PRELP: variants seen among roughly 807,000 people sequenced by gnomAD.
The protein encoded by PRELP is prolargin.
In PRELP, 16 loss-of-function variants were observed where a neutral mutation model predicts 22.8. The ratio of observed to expected loss-of-function variants is 0.70; its 90% confidence interval spans 0.47 to 1.06. The LOEUF (loss-of-function observed/expected upper bound fraction) is 1.06, where lower values mean the gene tolerates loss of function less well. PRELP is among the 50% of genes least tolerant of loss of function. The pLI, the probability that PRELP is intolerant of heterozygous loss-of-function variation, is 0.00. For synonymous variants in PRELP, 233 were observed against 211.4 expected, an observed-to-expected ratio of 1.10 and a Z score of -0.89; for missense variants, 434 against 485.2, an observed-to-expected ratio of 0.89 and a Z score of 0.99.
chr1:203,487,461 G>A lies in PRELP; in HGVS notation c.*580G>A, dbSNP rs560483107. On this transcript the variant is annotated 3_prime_UTR_variant, in exon 3 of 3. Coordinates refer to ENST00000343110, the MANE Select transcript of PRELP (RefSeq NM_002725.4). ...GAAGGAGGAGCGAGGGAATGACGGAGGTAGGGTGCAGGGTCAGGGCTCCCG... is the reference window on the plus strand; with the variant it reads ...GAAGGAGGAGCGAGGGAATGACGGAAGTAGGGTGCAGGGTCAGGGCTCCCG... The A allele has an allele frequency of 6.5e-6, 1 of 153,316 alleles. No homozygotes were observed. The highest frequency in any genetic ancestry group is 6.5e-5 in the Admixed American group (1 of 15,320). 9.5% of individuals were successfully genotyped at this position (153,316 alleles called of 1,614,324 possible). A position where few individuals can be genotyped will look rare whatever the true frequency, so the allele number is the denominator to read the frequency against.
rs748220435 is a variant in PRELP, at chr1:203,486,881, G to C, written c.1149G>C (p.Ter383TyrextTer13). The C allele has an allele frequency of 6.2e-7, 1 of 1,611,900 alleles. No individual in the cohort carries two copies. The highest frequency in any genetic ancestry group is 8.5e-7 in the Non-Finnish European group (1 of 1,178,532). ...GCCTCCTGCAGTCCGTGGTCATCTA[G>C]GCCCTACTCCGCCACCGGATCTGCT... is the stretch of plus-strand genomic sequence containing the variant. ...CFRLLQSVVI[*>Y] Residue 383 changes from the stop codon to tyrosine, a stop_lost, in exon 3 of 3, where the codon TAG becomes TAC. Coordinates refer to ENST00000343110, the MANE Select transcript of PRELP (RefSeq NM_002725.4).
In PRELP at chr1:203,483,268, C is replaced by G. The variant is rs562945346; in HGVS notation, c.84C>G (p.Pro28=). 3.1e-6 allele frequency: 5 copies of G among 1,608,538 alleles called. No homozygotes were observed. The highest frequency in any genetic ancestry group is 4.2e-6 in the Non-Finnish European group (5 of 1,178,320). The change falls in exon 2 of 3, where the codon CCC becomes CCG. Residue 28 remains proline (P), a synonymous_variant. Coordinates refer to ENST00000343110, the MANE Select transcript of PRELP (RefSeq NM_002725.4). The surrounding 1 kb of genome is among the most constrained non-coding windows in gnomAD (Gnocchi z 4.4). ...AQGQPTRRPR[P]GTGPGRRPRP... is the part of the protein sequence containing the mutation. The stretch of plus-strand genomic sequence containing the variant: ...GCCAGCCAACAAGACGACCAAGACC[C>G]GGGACTGGGCCCGGGCGCAGACCCA...
chr1:203,486,488 A>G (rs997280110), intron 2 of PRELP, among the ~76,000 whole-genome samples: 17 of 152,214 alleles, frequency 1.1e-4, no homozygotes, highest in African/African-American at 4.1e-4. Context: ...TTAACTTGCA[A>G]TAACAGTTGT....
In PRELP at chr1:203,486,953, C is replaced by A; in HGVS notation, c.*72C>A. On this transcript the variant is annotated 3_prime_UTR_variant, in exon 3 of 3. Transcript: ENST00000343110. Reference sequence around the variant, plus strand: ...GGCCCAGGCACCTGTGCCGGCCATTCGTTTTCTCTCTCTCCCTTTCTTTCT... The same window carrying A: ...GGCCCAGGCACCTGTGCCGGCCATTAGTTTTCTCTCTCTCCCTTTCTTTCT... The A allele has an allele frequency of 7.0e-7, 1 of 1,422,366 alleles. No homozygotes were observed. The highest frequency in any genetic ancestry group is 1.4e-5 in the South Asian group (1 of 71,338). 88.1% of individuals were successfully genotyped at this position (1,422,366 alleles called of 1,614,324 possible).
intron 1 of PRELP, among the ~76,000 whole-genome samples, chr1:203,478,663 G>C (rs116015170): frequency 6.6e-6 from 1 of 152,052 alleles, no homozygotes; most frequent in Non-Finnish European, 1.5e-5. Flanking sequence ...AACAGGGTTC[G>C]CATCACTAGG....
rs1023072286 is a variant in PRELP, at chr1:203,486,900, A to C, written c.*19A>C. The stretch of plus-strand genomic sequence containing the variant: ...CATCTAGGCCCTACTCCGCCACCGG[A>C]TCTGCTCTGACCGCACTTGAAGGCT... On this transcript the variant is annotated 3_prime_UTR_variant, in exon 3 of 3. Coordinates refer to ENST00000343110, the MANE Select transcript of PRELP (RefSeq NM_002725.4). 1 of 1,604,636 alleles carries C rather than the reference A, an allele frequency of 6.2e-7. No individual in the cohort carries two copies. Among genetic ancestry groups the C allele is most frequent in the Non-Finnish European group, 8.5e-7 (1 of 1,174,110 alleles).
Position 203,483,827 on chromosome 1 carries a change from G to A in PRELP, c.643G>A (p.Asp215Asn), listed in dbSNP as rs796745900. The A allele has an allele frequency of 5.6e-6, 9 of 1,613,992 alleles. No homozygotes were observed. The East Asian group carries it at 6.7e-5, about 12-fold the overall frequency. ...GCTGAGCGACGGCGTCTTCAAGCCC[G>A]ACACCTTCCATGGCCTCAAGAACCT... is the stretch of plus-strand genomic sequence containing the variant. ...NRLSDGVFKPDTFHGLKNLMQ... is the reference protein window; with the variant it reads ...NRLSDGVFKPNTFHGLKNLMQ... The change falls in exon 2 of 3, where the codon GAC becomes AAC. Residue 215 changes from aspartate to asparagine, a missense_variant. Asp to Asn is a conservative substitution (Grantham distance 23). Transcript: ENST00000343110. The surrounding 1 kb of genome is among the most constrained non-coding windows in gnomAD (Gnocchi z 4.4).
intron 1 of PRELP, among the ~76,000 whole-genome samples, chr1:203,482,591 CTTTTTTT>C (rs58787817): frequency 7.2e-4 from 37 of 51,078 alleles, no homozygotes; most frequent in African/African-American, 2.7e-3. Context: ...CCCAATGTGC[CTTTTTTT>C]TTTTTTTTTT....
intron 1 of PRELP, among the ~76,000 whole-genome samples, chr1:203,476,565 G>A (rs922926050): frequency 5.9e-5 from 9 of 152,228 alleles, no homozygotes; most frequent in Non-Finnish European, 2.9e-5. Flanking sequence ...TGAGATGGCA[G>A]AGCCAGAAGA....
intron 1 of PRELP, among the ~76,000 whole-genome samples, chr1:203,478,995 G>A (rs981593121): frequency 6.6e-6 from 1 of 152,160 alleles, no homozygotes; most frequent in Non-Finnish European, 1.5e-5. Context: ...CACCTAGGTT[G>A]AGAACAGAAA....
chr1:203,490,151 G>A lies in PRELP; in HGVS notation c.*3270G>A, dbSNP rs1166255248. ...TCTTTTCTTATTATTTTTAAATAGA[G>A]GCAGGGTCTCATTATGTTGCCCAGG... On this transcript the variant is annotated 3_prime_UTR_variant, in exon 3 of 3. Coordinates refer to ENST00000343110, the MANE Select transcript of PRELP (RefSeq NM_002725.4). The A allele has an allele frequency of 1.3e-5, 2 of 151,376 alleles. No homozygotes were observed. Among genetic ancestry groups the A allele is most frequent in the East Asian group, 3.9e-4 (2 of 5,148 alleles). The allele number at this position is 151,376 out of a possible 1,614,324, so 9.4% of individuals were successfully genotyped here.
At chr1:203,486,618 T>C (rs967287120) in intron 2 of PRELP, 88 bp from the exon 3 acceptor site, 229 of 1,321,192 alleles carry the variant, frequency 1.7e-4, no homozygotes, top group Non-Finnish European at 2.3e-4. Context: ...TCTACAGTCC[T>C]TGCTCTCGGG....
rs556595431 is a variant in PRELP, at chr1:203,489,958, AAAAAATAAAAAT to A, written c.*3093_*3104del. The stretch of plus-strand genomic sequence containing the variant: ...GGAGACAAAACGAGACTTCATTTAA[AAAAAATAAAAAT>A]AAAAATAAAAATAAAGTCATCTTGC... On this transcript the variant is annotated 3_prime_UTR_variant, in exon 3 of 3. Transcript: ENST00000343110. 3 of 152,158 alleles carry A rather than the reference AAAAAATAAAAAT, an allele frequency of 2.0e-5. No homozygotes were observed. The highest frequency in any genetic ancestry group is 4.4e-5 in the Non-Finnish European group (3 of 68,042). The allele number at this position is 152,158 out of a possible 1,614,324, so 9.4% of individuals were successfully genotyped here.
intron 2 of PRELP, 107 bp downstream of exon 2, chr1:203,484,264 C>T (rs1661059533): frequency 2.1e-6 from 3 of 1,457,982 alleles, no homozygotes; most frequent in African/African-American, 2.8e-5. Flanking sequence ...AAAGCATCCA[C>T]TTTGGCACTG....
chr1:203,479,051 C>T (rs569678376), intron 1 of PRELP, among the ~76,000 whole-genome samples: 3 of 152,280 alleles, frequency 2.0e-5, no homozygotes, highest in Admixed American at 1.3e-4. Flanking sequence ...ACCGGCACAG[C>T]GCTAGGTCAG....
In PRELP at chr1:203,491,227, C is replaced by T. The variant is rs1284696867; in HGVS notation, c.*4346C>T. 6.6e-6 allele frequency: 1 copy of T among 152,166 alleles called. No individual in the cohort carries two copies. The highest frequency in any genetic ancestry group is 1.9e-4 in the East Asian group (1 of 5,200). The allele number at this position is 152,166 out of a possible 1,614,324, so 9.4% of individuals were successfully genotyped here. A position where few individuals can be genotyped will look rare whatever the true frequency, so the allele number is the denominator to read the frequency against. ...GCCACCAGAGAACAACCCCCTTTGA[C>T]TGTAATTTTCCATTACCTACCCACA... On this transcript the variant is annotated 3_prime_UTR_variant, in exon 3 of 3. Coordinates refer to ENST00000343110, the MANE Select transcript of PRELP (RefSeq NM_002725.4). This position sits in a 1 kb window ranked among gnomAD's most constrained non-coding sequence, Gnocchi z 4.4.
In PRELP at chr1:203,489,585, C is replaced by A. The variant is rs1311447176; in HGVS notation, c.*2704C>A. 1 of 152,238 alleles carries A rather than the reference C, an allele frequency of 6.6e-6. No homozygotes were observed. Among genetic ancestry groups the A allele is most frequent in the Non-Finnish European group, 1.5e-5 (1 of 68,054 alleles). 9.4% of individuals were successfully genotyped at this position (152,238 alleles called of 1,614,324 possible). On this transcript the variant is annotated 3_prime_UTR_variant, in exon 3 of 3. Coordinates refer to ENST00000343110, the MANE Select transcript of PRELP (RefSeq NM_002725.4). Reference sequence around the variant, plus strand: ...AACTTCCACATTTCAACACACTTCACAGTACAGGAAATAAAGTAATATGAA... The same window carrying A: ...AACTTCCACATTTCAACACACTTCAAAGTACAGGAAATAAAGTAATATGAA...
At chr1:203,480,956 G>A (rs544145188) in intron 1 of PRELP, among the ~76,000 whole-genome samples, 1 of 152,336 alleles carries the variant, frequency 6.6e-6, no homozygotes, top group South Asian at 2.1e-4. Flanking sequence ...TAACCTGCCT[G>A]TTCCTCTCAC....
rs1264432911 is a variant in PRELP at position 203,491,195 on chromosome 1, A to G, written c.*4314A>G. 1.4e-5 allele frequency: 2 copies of G among 145,132 alleles called. No homozygotes were observed. Among genetic ancestry groups the G allele is most frequent in the Non-Finnish European group, 3.0e-5 (2 of 66,348 alleles). 9.0% of individuals were successfully genotyped at this position (145,132 alleles called of 1,614,324 possible). On this transcript the variant is annotated 3_prime_UTR_variant, in exon 3 of 3. Transcript: ENST00000343110. This position sits in a 1 kb window ranked among gnomAD's most constrained non-coding sequence, Gnocchi z 4.4. ...CCCCACTGAACACCTTGCAACCCCC[A>G]CCCCTGGCCACCAGAGAACAACCCC... is the stretch of plus-strand genomic sequence containing the variant.
Sources: gnomAD v4.1 joint callset for allele counts (sites outside exome capture counted in the v4.1 genomes callset) on GRCh38, gnomAD v4.1.1 for gene constraint, Gnocchi (gnomAD v3.1) non-coding constraint, MANE v1.5 for transcripts, NCBI Gene and HGNC (gene_info 2026-07-23, HGNC 2026-07-21) for gene names.